Variants in USP44 observed in about 807,000 individuals in gnomAD.
The protein encoded by USP44 is ubiquitin carboxyl-terminal hydrolase 44.
In USP44, 61 loss-of-function variants were observed where a neutral mutation model predicts 69.0. That is an observed-to-expected ratio of 0.88 (90% CI 0.72 to 1.09). USP44 has a LOEUF of 1.09. Ranked by LOEUF, USP44 falls within the 50% of genes least tolerant of loss-of-function variation. The pLI is 0.00. For synonymous variants in USP44, 297 were observed against 295.4 expected, an observed-to-expected ratio of 1.01 and a Z score of -0.06; for missense variants, 753 against 849.9, an observed-to-expected ratio of 0.89 and a Z score of 1.42.
At chr12:95,530,637 T>G (rs1179709331) in intron 2 of USP44, among the ~76,000 whole-genome samples, 1 of 144,122 alleles carries the variant, frequency 6.9e-6, no homozygotes, top group Non-Finnish European at 1.5e-5. Flanking sequence ...ACTTTCATAC[T>G]ACTGGAAATA....
rs372484955 is a variant in USP44 at position 95,532,983 on chromosome 12, T to G, written c.1274A>C (p.Gln425Pro). The stretch of plus-strand genomic sequence containing the variant: ...ATCTAAAAGTTCACAAAGAAATTCC[T>G]GAGCGTCTTGTTGGGCGTAACCACG... ...AFRGYAQQDA[Q>P]EFLCELLDKI... is the part of the protein sequence containing the mutation. Residue 425 changes from glutamine (Q) to proline (P), a missense_variant, in exon 2 of 6, where the codon CAG becomes CCG. By Grantham distance (76) the Gln-to-Pro change is moderately conservative. Coordinates refer to ENST00000258499, the MANE Select transcript of USP44 (RefSeq NM_032147.5). 1 of 1,614,240 alleles carries G rather than the reference T, an allele frequency of 6.2e-7. No individual in the cohort carries two copies. Among genetic ancestry groups the G allele is most frequent in the South Asian group, 1.1e-5 (1 of 91,080 alleles).
At chr12:95,540,022 CCA>C (rs1429098621) in intron 1 of USP44, among the ~76,000 whole-genome samples, 2 of 152,150 alleles carry the variant, frequency 1.3e-5, no homozygotes, top group Admixed American at 1.3e-4. Context: ...AACCTACAAC[CCA>C]CAGTTTCGCA....
At position 95,530,646 on chromosome 12, in the gene USP44, TATAGATAGATAG is replaced by T. The variant is rs56051106; in HGVS notation, c.1429-1656_1429-1645del. On this transcript the variant is annotated intron_variant, in intron 2 of 5. Coordinates refer to ENST00000258499, the MANE Select transcript of USP44 (RefSeq NM_032147.5). The stretch of plus-strand genomic sequence containing the variant: ...ATAGCAACTTTCATACTACTGGAAA[TATAGATAGATAG>T]ATAGATAGATAGATAGATAGATAGA... Among the ~76,000 whole-genome samples the T allele has an allele frequency of 5.2e-3, 770 of 147,446 alleles. 6 individuals are homozygous for T. Among genetic ancestry groups the T allele is most frequent in the Middle Eastern group, 0.017 (5 of 288 alleles).
intron 1 of USP44, among the ~76,000 whole-genome samples, chr12:95,543,794 G>T (rs1015085468): frequency 1.3e-5 from 2 of 151,156 alleles, no homozygotes; most frequent in African/African-American, 4.8e-5. Flanking sequence ...GTGAAACCCT[G>T]TCTCTACAAA....
intron 3 of USP44, among the ~76,000 whole-genome samples, 163 bp from the exon 4 acceptor site, chr12:95,524,951 A>C (rs181342689): frequency 1.3e-5 from 2 of 152,272 alleles, no homozygotes; most frequent in Admixed American, 1.3e-4. Flanking sequence ...CAAGAAACTC[A>C]TGATCCACAA....
intron 2 of USP44, 70 bp downstream of exon 2, chr12:95,532,759 A>C: frequency 7.5e-7 from 1 of 1,335,434 alleles, no homozygotes; most frequent in Non-Finnish European, 1.0e-6. Flanking sequence ...ATGTACATAG[A>C]ATATGCCTTT....
At chr12:95,540,078 CCTCTTCTGATAATGAA>C (rs973115741) in intron 1 of USP44, among the ~76,000 whole-genome samples, 3 of 152,146 alleles carry the variant, frequency 2.0e-5, no homozygotes, top group Admixed American at 6.5e-5. Flanking sequence ...GCTCTTCAAA[CCTCTTCTGATAATGAA>C]CTCATCCTAC....
rs1012920631 is a variant in USP44, at chr12:95,533,090, G to A, written c.1167C>T (p.Phe389=). The change falls in exon 2 of 6, where the codon TTC becomes TTT. Residue 389 remains phenylalanine, a synonymous_variant. Coordinates refer to ENST00000258499, the MANE Select transcript of USP44 (RefSeq NM_032147.5). ...CCCACTTTCCAGACCACATGACTTG[G>A]AACAAAGTATGCAATTCATGACAAA... ...ISLCHELHTL[F]QVMWSGKWAL... is the part of the protein sequence containing the mutation. 19 of 1,614,188 alleles carry A rather than the reference G, an allele frequency of 1.2e-5. No homozygotes were observed. Among genetic ancestry groups the A allele is most frequent in the Non-Finnish European group, 1.4e-5 (16 of 1,180,046 alleles).
chr12:95,543,734 A>G (rs1456395073), intron 1 of USP44, among the ~76,000 whole-genome samples: 1 of 151,874 alleles, frequency 6.6e-6, no homozygotes, highest in African/African-American at 2.4e-5. Context: ...TGGGAGGCTG[A>G]GGCGGGCAGA....
intron 1 of USP44, among the ~76,000 whole-genome samples, chr12:95,538,704 C>T (rs996530067): frequency 2.0e-5 from 3 of 152,276 alleles, no homozygotes; most frequent in South Asian, 2.1e-4. Flanking sequence ...GCAAGGGCAC[C>T]GTGGAAAGCA....
chr12:95,521,310 A>G, intron 4 of USP44, 108 bp from the exon 5 acceptor site: 2 of 966,192 alleles, frequency 2.1e-6, no homozygotes, highest in Non-Finnish European at 3.2e-6. Context: ...AATACAAAGT[A>G]TCATATGTAA....
chr12:95,533,244 T>C lies in USP44; in HGVS notation c.1013A>G (p.Gln338Arg), dbSNP rs1592709764. The C allele has an allele frequency of 2.5e-6, 4 of 1,614,192 alleles. No individual in the cohort carries two copies. Among genetic ancestry groups the C allele is most frequent in the Non-Finnish European group, 3.4e-6 (4 of 1,180,018 alleles). Residue 338 changes from glutamine (Q) to arginine (R), a missense_variant, in exon 2 of 6, where the codon CAG (glutamine) becomes CGG (arginine). Transcript: ENST00000258499. ...DTVVYQMNEC[Q>R]EKDTGFVCSR... ...GCAAACAAAACCTGTATCTTTTTCC[T>C]GACATTCATTCATTTGATATACTAC...
In USP44 at chr12:95,520,007, CAAAAAAAAAAA is replaced by C. The variant is rs56348745; in HGVS notation, c.1939+979_1939+989del. 1.7e-4 allele frequency among the ~76,000 whole-genome samples: 6 copies of C among 34,508 alleles called. No homozygotes were observed. In the East Asian group the frequency reaches 2.8e-3, roughly 16 times the overall value. 22.6% of individuals were successfully genotyped at this position (34,508 alleles called of 152,430 possible). A position where few individuals can be genotyped will look rare whatever the true frequency, so the allele number is the denominator to read the frequency against. ...CAGGGGAAAGAGTGAGACTCTGTCT[CAAAAAAAAAAA>C]AAAAAAAAAAAAAAAAAAGCCAATA... On this transcript the variant is annotated intron_variant, in intron 5 of 5. Coordinates refer to ENST00000258499, the MANE Select transcript of USP44 (RefSeq NM_032147.5).
intron 4 of USP44, among the ~76,000 whole-genome samples, chr12:95,522,760 A>G (rs1388494022): frequency 6.8e-6 from 1 of 147,728 alleles, no homozygotes; most frequent in Non-Finnish European, 1.5e-5. Flanking sequence ...CCTAGGCGAC[A>G]AGAGCGAAAT....
chr12:95,534,291 CA>C lies in USP44; in HGVS notation c.-36del, dbSNP rs1199292677. 6 of 1,567,614 alleles carry C rather than the reference CA, an allele frequency of 3.8e-6. 1 individual carries two copies. The African/African-American group carries it at 6.8e-5, about 18-fold the overall frequency. Reference sequence around the variant, plus strand: ...CTAGCTGAGAAATGCATAATCCAAACAAGTCTCTGTTCACAACACTTGAAGC... The same window carrying C: ...CTAGCTGAGAAATGCATAATCCAAACAGTCTCTGTTCACAACACTTGAAGC... On this transcript the variant is annotated 5_prime_UTR_variant, in exon 2 of 6. Transcript: ENST00000258499.
chr12:95,540,400 T>C (rs1021036247), intron 1 of USP44, among the ~76,000 whole-genome samples: 1 of 148,408 alleles, frequency 6.7e-6, no homozygotes, highest in African/African-American at 2.5e-5. Flanking sequence ...TGGAGTGCAA[T>C]GGTGTGATCT....
chr12:95,546,826 G>C (rs1237102599), intron 1 of USP44: 1 of 152,092 alleles, frequency 6.6e-6, no homozygotes, highest in African/African-American at 2.4e-5. Flanking sequence ...AGTTAGTCGG[G>C]TACTAGAGAT....
intron 1 of USP44, among the ~76,000 whole-genome samples, chr12:95,545,500 G>T (rs972067008): frequency 2.6e-5 from 4 of 152,134 alleles, no homozygotes; most frequent in African/African-American, 9.7e-5. Context: ...TAGGCCTTAG[G>T]AATTACTAAC....
intron 1 of USP44, among the ~76,000 whole-genome samples, chr12:95,544,668 T>C (rs933543584): frequency 6.6e-6 from 1 of 152,088 alleles, no homozygotes; most frequent in African/African-American, 2.4e-5. Context: ...AGTGACAGAA[T>C]GAGGGAAATG....
Sources: gnomAD v4.1 joint callset for allele counts (sites outside exome capture counted in the v4.1 genomes callset) on GRCh38, gnomAD v4.1.1 for gene constraint, MANE v1.5 for transcripts, NCBI Gene and HGNC (gene_info 2026-07-23, HGNC 2026-07-21) for gene names.